The following BICRAL variants were observed in gnomAD, a reference collection of about 807,000 sequenced individuals.
BICRAL encodes BICRA like chromatin remodeling complex associated protein.
In BICRAL, 8 loss-of-function variants were observed where a neutral mutation model predicts 91.8. The observed-to-expected ratio is 0.09, with a 90% CI of 0.05 to 0.16. The LOEUF is 0.16. Ranked by LOEUF, BICRAL falls within the 10% of genes least tolerant of loss-of-function variation. The pLI, the probability that BICRAL is intolerant of heterozygous loss-of-function variation, is 1.00. For missense variants in BICRAL, 1,038 were observed against 1,310.9 expected, an observed-to-expected ratio of 0.79 and a Z score of 3.21; for synonymous variants, 445 against 491.1, an observed-to-expected ratio of 0.91 and a Z score of 1.24.
intron 11 of BICRAL, among the ~76,000 whole-genome samples, chr6:42,862,057 G>C (rs35587422): frequency 0.34 from 51,649 of 150,092 alleles, 9,378 homozygotes; most frequent in African/African-American, 0.47. Flanking sequence ...TTGTTCTCAG[G>C]CAGGTGCGGA....
In BICRAL at chr6:42,853,671, C is replaced by T. The variant is rs1765261997; in HGVS notation, c.1979C>T (p.Ser660Phe). 6.2e-7 allele frequency: 1 copy of T among 1,614,018 alleles called. No homozygotes were observed. The highest frequency in any genetic ancestry group is 8.5e-7 in the Non-Finnish European group (1 of 1,179,852). ...QDSGSKVISA[S>F]LGTAQPQQEK... ...TCTGGAAGCAAAGTTATATCCGCAT[C>T]CTTAGGAACCGCACAACCACAGCAG... Residue 660 changes from serine to phenylalanine, a missense_variant, in exon 8 of 13, where the codon TCC (serine) becomes TTC (phenylalanine). By Grantham distance (155) the Ser-to-Phe change is radical. Coordinates refer to ENST00000314073, the MANE Select transcript of BICRAL (RefSeq NM_001393499.1).
intron 1 of BICRAL, among the ~76,000 whole-genome samples, chr6:42,747,901 T>C (rs1240054329): frequency 6.7e-6 from 1 of 149,580 alleles, no homozygotes; most frequent in Non-Finnish European, 1.5e-5. Context: ...GCCTCCCGAG[T>C]TCAAGTGATT....
Position 42,853,681 on chromosome 6 carries a change from C to T in BICRAL, c.1989C>T (p.Thr663=), listed in dbSNP as rs145613232. The change falls in exon 8 of 13, where the codon ACC becomes ACT. Residue 663 remains threonine, a synonymous_variant. Coordinates refer to ENST00000314073, the MANE Select transcript of BICRAL (RefSeq NM_001393499.1). ...AAGTTATATCCGCATCCTTAGGAAC[C>T]GCACAACCACAGCAGGAAAAAGTAG... ...GSKVISASLG[T]AQPQQEKVVG... is the part of the protein sequence containing the mutation. The T allele has an allele frequency of 6.8e-4, 1,098 of 1,614,038 alleles. No homozygotes were observed. Among genetic ancestry groups the T allele is most frequent in the African/African-American group, 1.1e-3 (80 of 75,046 alleles).
At chr6:42,824,061 C>T (rs1212933698) in intron 5 of BICRAL, among the ~76,000 whole-genome samples, 1 of 151,916 alleles carries the variant, frequency 6.6e-6, no homozygotes, top group Non-Finnish European at 1.5e-5. Context: ...CACGGTGAAA[C>T]CCCGTCTCTA....
In BICRAL at chr6:42,868,136, T is replaced by A. The variant is rs1287883634; in HGVS notation, c.*2690T>A. On this transcript the variant is annotated 3_prime_UTR_variant, in exon 13 of 13. Transcript: ENST00000314073. The stretch of plus-strand genomic sequence containing the variant: ...GTTATTAAGCATTTGATTTTCTGTG[T>A]CCTTAAGTACTTCCTGAAGATGAAG... The A allele has an allele frequency of 6.6e-6, 1 of 152,144 alleles. No homozygotes were observed. The highest frequency in any genetic ancestry group is 2.4e-5 in the African/African-American group (1 of 41,308). The allele number at this position is 152,144 out of a possible 1,614,324, so 9.4% of individuals were successfully genotyped here.
intron 6 of BICRAL, among the ~76,000 whole-genome samples, chr6:42,843,844 A>C (rs1185479433): frequency 4.9e-5 from 7 of 142,810 alleles, no homozygotes; most frequent in East Asian, 2.0e-4. Context: ...TCTGTCACCC[A>C]GGCGAGTGCA....
chr6:42,815,047 T>C (rs917960949), intron 2 of BICRAL, among the ~76,000 whole-genome samples: 41 of 151,270 alleles, frequency 2.7e-4, no homozygotes, highest in African/African-American at 7.3e-4. Context: ...GTAGCTGGGA[T>C]TACAGGCACG....
At chr6:42,773,222 G>T (rs1762761464) in intron 1 of BICRAL, among the ~76,000 whole-genome samples, 1 of 151,632 alleles carries the variant, frequency 6.6e-6, no homozygotes, top group South Asian at 2.1e-4. Flanking sequence ...GGGATTACAG[G>T]CACCCGCCAT....
intron 2 of BICRAL, among the ~76,000 whole-genome samples, chr6:42,815,275 C>T (rs1440505750): frequency 6.6e-6 from 1 of 151,008 alleles, no homozygotes; most frequent in African/African-American, 2.4e-5. Flanking sequence ...CTGCAACCCC[C>T]ATCTCCTGGG....
intron 3 of BICRAL, among the ~76,000 whole-genome samples, chr6:42,822,419 T>G (rs1354054915): frequency 7.9e-5 from 12 of 151,070 alleles, no homozygotes; most frequent in Middle Eastern, 3.4e-3. Flanking sequence ...TTTTTGTGTT[T>G]TTTTTTTTTT....
rs767891441 is a variant in BICRAL, at chr6:42,866,978, C to T, written c.*1532C>T. On this transcript the variant is annotated 3_prime_UTR_variant, in exon 13 of 13. Coordinates refer to ENST00000314073, the MANE Select transcript of BICRAL (RefSeq NM_001393499.1). ...TCGGATCCAGAGGTCATTTTTGTTACAGTGTGTGCACACTCACTCTCCTTC... is the reference window on the plus strand; with the variant it reads ...TCGGATCCAGAGGTCATTTTTGTTATAGTGTGTGCACACTCACTCTCCTTC... The T allele has an allele frequency of 4.7e-5, 20 of 426,668 alleles. No individual in the cohort carries two copies. Among genetic ancestry groups the T allele is most frequent in the Middle Eastern group, 3.4e-4 (1 of 2,918 alleles). The allele number at this position is 426,668 out of a possible 1,614,324, so 26.4% of individuals were successfully genotyped here. A position where few individuals can be genotyped will look rare whatever the true frequency, so the allele number is the denominator to read the frequency against.
intron 2 of BICRAL, among the ~76,000 whole-genome samples, chr6:42,814,519 ATTTTTTTTT>A (rs70990145): frequency 1.2e-5 from 1 of 80,212 alleles, no homozygotes; most frequent in Non-Finnish European, 2.1e-5. Context: ...ATATATATAT[ATTTTTTTTT>A]TTTTTTTTTT....
At chr6:42,813,221 C>T (rs1010889512) in intron 2 of BICRAL, among the ~76,000 whole-genome samples, 4 of 152,004 alleles carry the variant, frequency 2.6e-5, no homozygotes, top group African/African-American at 9.7e-5. Flanking sequence ...TATAAACCTG[C>T]AGATTCTAGA....
chr6:42,827,682 C>T (rs1031388692), intron 5 of BICRAL, among the ~76,000 whole-genome samples: 3 of 152,078 alleles, frequency 2.0e-5, no homozygotes, highest in African/African-American at 7.2e-5. Flanking sequence ...GAGTTCAAGA[C>T]CAGCCTGGGC....
intron 2 of BICRAL, chr6:42,821,076 TTCCTACG>T (rs1159403779): frequency 2.0e-5 from 3 of 152,264 alleles, no homozygotes; most frequent in Admixed American, 2.0e-4. Flanking sequence ...CAGGATTTCA[TTCCTACG>T]TCCAACTGCC....
intron 6 of BICRAL, among the ~76,000 whole-genome samples, chr6:42,830,885 G>C (rs1182479110): frequency 6.6e-6 from 1 of 152,178 alleles, no homozygotes; most frequent in Non-Finnish European, 1.5e-5. Flanking sequence ...CCAAAGTACT[G>C]GGATTACAGG....
At chr6:42,848,078 A>G (rs985365052) in intron 6 of BICRAL, among the ~76,000 whole-genome samples, 4 of 151,956 alleles carry the variant, frequency 2.6e-5, no homozygotes, top group Middle Eastern at 3.2e-3. Flanking sequence ...GCAGTGAGCC[A>G]AGATTGCGCC....
rs2113960032 is a variant in BICRAL at position 42,829,937 on chromosome 6, C to T, written c.1604C>T (p.Ser535Leu). 6.2e-7 allele frequency: 1 copy of T among 1,614,234 alleles called. No homozygotes were observed. Among genetic ancestry groups the T allele is most frequent in the South Asian group, 1.1e-5 (1 of 91,088 alleles). The change falls in exon 6 of 13, where the codon TCA becomes TTA. Residue 535 changes from serine to leucine, a missense_variant. Around this residue, in one of 5 missense-constraint regions of BICRAL, gnomAD observed 532 missense variants for 724.9 expected, o/e 0.73. Transcript: ENST00000314073. ...ACCATGCCATCGGTGACAAGCATGT[C>T]AGGACCTAGTCGGTTCCCTGCTGTC... Reference protein sequence around the residue: ...FATMPSVTSMSGPSRFPAVSS... With the variant: ...FATMPSVTSMLGPSRFPAVSS...
At chr6:42,800,535 A>G (rs931300453) in intron 1 of BICRAL, among the ~76,000 whole-genome samples, 2 of 145,456 alleles carry the variant, frequency 1.4e-5, no homozygotes, top group Admixed American at 6.9e-5. Flanking sequence ...TTGTCCACAC[A>G]TTTTTTTTTC....
Sources: allele counts gnomAD v4.1 joint callset (sites outside exome capture counted in the v4.1 genomes callset), GRCh38; gene constraint gnomAD v4.1.1; regional missense constraint gnomAD v4.1.1; transcripts MANE v1.5; gene names NCBI Gene and HGNC (gene_info 2026-07-23, HGNC 2026-07-21).